ADGRG4: variants seen among roughly 807,000 people sequenced by gnomAD.
The protein encoded by ADGRG4 is adhesion G protein-coupled receptor G4, also known as G protein-coupled receptor 112.
Under a neutral mutation model 126.2 loss-of-function variants are expected in ADGRG4, and 122 were observed. That is an observed-to-expected ratio of 0.97 (90% confidence interval 0.83 to 1.12). The LOEUF (loss-of-function observed/expected upper bound fraction) is 1.12, where lower values mean the gene tolerates loss of function less well. ADGRG4 is among the 50% of genes most tolerant of loss of function. The pLI is 0.00. For missense variants in ADGRG4, 2,481 were observed against 2,251.8 expected, an observed-to-expected ratio of 1.10 and a Z score of -2.06; for synonymous variants, 943 against 838.7, an observed-to-expected ratio of 1.12 and a Z score of -2.15.
At chrX:136,384,811 T>C (rs181514264) in intron 15 of ADGRG4, among the ~76,000 whole-genome samples, 1 of 111,676 alleles carries the variant, frequency 9.0e-6, no homozygotes, top group African/African-American at 3.2e-5. Context: ...CTTGTTTCTC[T>C]GTATATAATG....
chrX:136,360,400 C>T (rs778257086), intron 11 of ADGRG4, among the ~76,000 whole-genome samples: 11 of 110,929 alleles, frequency 9.9e-5, no homozygotes, highest in Non-Finnish European at 1.1e-4. Context: ...CAAAACCTTG[C>T]CTTAACAGCC....
intron 12 of ADGRG4, among the ~76,000 whole-genome samples, chrX:136,362,779 C>T (rs908260028): frequency 1.8e-5 from 2 of 111,773 alleles, no homozygotes; most frequent in Non-Finnish European, 3.8e-5. Context: ...CTGAAAGTAA[C>T]GTCTCTTTCC....
At chrX:136,343,393 T>TCAAAATAGAG (rs1258863906) in intron 5 of ADGRG4, among the ~76,000 whole-genome samples, 1 of 110,959 alleles carries the variant, frequency 9.0e-6, no homozygotes, top group African/African-American at 3.3e-5. Flanking sequence ...AATGTGGAGC[T>TCAAAATAGAG]CAAAATAGAG....
intron 13 of ADGRG4, among the ~76,000 whole-genome samples, chrX:136,369,900 G>C (rs1026066732): frequency 9.0e-6 from 1 of 111,668 alleles, no homozygotes; most frequent in African/African-American, 3.3e-5. Flanking sequence ...GGGAGGAATT[G>C]AGAGGATCTC....
In ADGRG4 at chrX:136,305,021, G is replaced by A. The variant is rs889305167; in HGVS notation, c.-12G>A. The A allele has an allele frequency of 3.6e-5, 4 of 112,099 alleles. No individual in the cohort carries two copies. The highest frequency in any genetic ancestry group is 4.2e-3 in the Middle Eastern group (1 of 239). The allele number at this position is 112,099 out of a possible 1,213,427, so 9.2% of individuals were successfully genotyped here. A position where few individuals can be genotyped will look rare whatever the true frequency, so the allele number is the denominator to read the frequency against. ...TGTTATGTAATCTTCACAGCAATAT[G>A]AGGTGAGTTCCATGGTCAGCATTTT... On this transcript the variant is annotated splice_region_variant and 5_prime_UTR_variant, in exon 3 of 26. An upstream start codon of the reference 5' UTR is lost. Transcript: ENST00000394143.
At chrX:136,410,005 C>T (rs1203323242) in intron 23 of ADGRG4, among the ~76,000 whole-genome samples, 1 of 112,464 alleles carries the variant, frequency 8.9e-6, no homozygotes, top group East Asian at 2.8e-4. Flanking sequence ...ACTTCTTGGA[C>T]TCCAAGTTCC....
chrX:136,404,446 A>G (rs1438174577), intron 22 of ADGRG4, among the ~76,000 whole-genome samples: 1 of 111,876 alleles, frequency 8.9e-6, no homozygotes, highest in African/African-American at 3.2e-5. Context: ...TTTTTTTCAA[A>G]TTATATTTTG....
At chrX:136,390,113 C>A (rs1221030434) in intron 16 of ADGRG4, among the ~76,000 whole-genome samples, 1 of 111,560 alleles carries the variant, frequency 9.0e-6, no homozygotes, top group Non-Finnish European at 1.9e-5. Flanking sequence ...TGTAGTGGTG[C>A]AATCACAGCT....
intron 3 of ADGRG4, among the ~76,000 whole-genome samples, chrX:136,307,021 C>T (rs888918699): frequency 8.9e-6 from 1 of 111,868 alleles, no homozygotes; most frequent in Non-Finnish European, 1.9e-5. Context: ...GCCTTTATTC[C>T]TTTTAATGGT....
intron 5 of ADGRG4, among the ~76,000 whole-genome samples, chrX:136,340,373 A>C (rs904191335): frequency 9.0e-6 from 1 of 111,604 alleles, no homozygotes; most frequent in African/African-American, 3.3e-5. Context: ...TTTATCTAGG[A>C]TATGAATGAT....
At chrX:136,380,396 C>A (rs1327954741) in intron 15 of ADGRG4, among the ~76,000 whole-genome samples, 1 of 110,662 alleles carries the variant, frequency 9.0e-6, no homozygotes, top group East Asian at 2.8e-4. Context: ...TTTTAAACAA[C>A]CTTTGGCCTT....
chrX:136,329,256 C>T (rs1288948546), intron 5 of ADGRG4, among the ~76,000 whole-genome samples: 1 of 111,452 alleles, frequency 9.0e-6, no homozygotes, highest in Non-Finnish European at 1.9e-5. Flanking sequence ...AGGTGATATA[C>T]CCAAATCACA....
intron 4 of ADGRG4, 39 bp from the exon 5 acceptor site, chrX:136,322,739 T>C: frequency 8.9e-7 from 1 of 1,123,767 alleles, no homozygotes; most frequent in Non-Finnish European, 1.2e-6. Context: ...AACAGAAATT[T>C]CATTTGTTTT....
chrX:136,371,497 G>A lies in ADGRG4; in HGVS notation c.7566G>A (p.Leu2522=). ...TGTTACAAATAATCAACGTTGTTTT[G>A]GAAAAGCAAAACAATTCCGCCTCTG... ...HVMLQIINVV[L]EKQNNSASDL... The change falls in exon 14 of 26, where the codon TTG becomes TTA. Residue 2522 remains leucine (L), a synonymous_variant. Transcript: ENST00000394143. The A allele has an allele frequency of 8.3e-7, 1 of 1,197,836 alleles. No homozygotes were observed. Among genetic ancestry groups the A allele is most frequent in the South Asian group, 1.8e-5 (1 of 54,838 alleles).
At position 136,346,982 on chromosome X, in the gene ADGRG4, G is replaced by A. The variant is rs748334891; in HGVS notation, c.3276G>A (p.Thr1092=). Residue 1092 remains threonine (T), a synonymous_variant, in exon 6 of 26, where the codon ACG becomes ACA. Coordinates refer to ENST00000394143, the MANE Select transcript of ADGRG4 (RefSeq NM_153834.4). The part of the protein sequence containing the change: ...GDLIRTTSEA[T]VISVRKTSMA... ...TGATTCGTACCACTTCAGAGGCCAC[G>A]GTAATCTCTGTCAGGAAGACATCCA... 8 of 1,208,337 alleles carry A rather than the reference G, an allele frequency of 6.6e-6. No individual in the cohort carries two copies. The East Asian group carries it at 1.2e-4, about 18-fold the overall frequency.
At chrX:136,399,772 T>C in intron 20 of ADGRG4, 76 bp from the exon 21 acceptor site, 2 of 845,754 alleles carry the variant, frequency 2.4e-6, no homozygotes, top group Non-Finnish European at 3.3e-6. Flanking sequence ...ACTTATTATG[T>C]AGATAAGATG....
intron 24 of ADGRG4, 131 bp from the exon 25 acceptor site, chrX:136,414,029 C>G: frequency 1.9e-6 from 1 of 537,980 alleles, no homozygotes; most frequent in Non-Finnish European, 2.9e-6. Flanking sequence ...GCGTGAGCCA[C>G]TGCGCCTGGC....
chrX:136,366,303 A>G (rs1373756918), intron 13 of ADGRG4, among the ~76,000 whole-genome samples: 1 of 111,887 alleles, frequency 8.9e-6, no homozygotes, highest in Non-Finnish European at 1.9e-5. Flanking sequence ...GCCTTCTCAG[A>G]TTGTCTTCTT....
chrX:136,310,825 G>A (rs1020268418), intron 4 of ADGRG4, among the ~76,000 whole-genome samples: 1 of 111,878 alleles, frequency 8.9e-6, no homozygotes, highest in Non-Finnish European at 1.9e-5. Context: ...AATGGAGCAG[G>A]AGGTAAAAAA....
Sources: allele counts gnomAD v4.1 joint callset (sites outside exome capture counted in the v4.1 genomes callset), GRCh38; gene constraint gnomAD v4.1.1; transcripts MANE v1.5; gene names NCBI Gene and HGNC (gene_info 2026-07-23, HGNC 2026-07-21).